The following NCKAP5 variants were observed in gnomAD, a reference collection of about 807,000 sequenced individuals.
The protein encoded by NCKAP5 is NCK associated protein 5, also known as nck-associated protein 5.
A neutral mutation model predicts 167.0 loss-of-function variants in NCKAP5; 92 were observed. The observed-to-expected ratio is 0.55, with a 90% CI of 0.47 to 0.66. The LOEUF (loss-of-function observed/expected upper bound fraction) is 0.66. Ranked by LOEUF, NCKAP5 falls within the 30% of genes least tolerant of loss-of-function variation. The pLI is 0.00. For synonymous variants in NCKAP5, 891 were observed against 877.4 expected, an observed-to-expected ratio of 1.02 and a Z score of -0.27; for missense variants, 2,378 against 2,315.0, an observed-to-expected ratio of 1.03 and a Z score of -0.56.
chr2:133,124,351 T>G (rs943682977), intron 6 of NCKAP5, among the ~76,000 whole-genome samples: 16 of 152,316 alleles, frequency 1.1e-4, no homozygotes, highest in Admixed American at 9.8e-4. Flanking sequence ...TCAAGTATCT[T>G]TATTCCTGAT....
intron 19 of NCKAP5, among the ~76,000 whole-genome samples, chr2:132,708,863 G>A (rs1319392631): frequency 6.6e-6 from 1 of 152,056 alleles, no homozygotes; most frequent in Non-Finnish European, 1.5e-5. Flanking sequence ...TTTTTGGGTT[G>A]TATTTTGGCT....
rs116399948 is a variant in NCKAP5, at chr2:133,032,541, C to T, written c.342-38302G>A. Among the ~76,000 whole-genome samples the T allele has an allele frequency of 3.4e-3, 524 of 152,268 alleles. 4 individuals carry two copies. The highest frequency in any genetic ancestry group is 0.012 in the African/African-American group (480 of 41,562). ...CACCTAGGGGCCTGGGGGACCTCACCACCCTGCAGGGAAAAACACAGGCCT... is the reference window on the plus strand; with the variant it reads ...CACCTAGGGGCCTGGGGGACCTCACTACCCTGCAGGGAAAAACACAGGCCT... On this transcript the variant is annotated intron_variant, in intron 6 of 19. Transcript: ENST00000409261.
chr2:133,450,633 C>T (rs1199835263), intron 3 of NCKAP5, among the ~76,000 whole-genome samples: 3 of 152,144 alleles, frequency 2.0e-5, no homozygotes, highest in African/African-American at 4.8e-5. Context: ...GAAACATTTT[C>T]AATTTAACCA....
chr2:133,209,015 T>C (rs1002873089), intron 5 of NCKAP5, among the ~76,000 whole-genome samples: 1 of 152,040 alleles, frequency 6.6e-6, no homozygotes, highest in Non-Finnish European at 1.5e-5. Context: ...TGGGGAAAAA[T>C]TTCTCTCTGA....
chr2:132,920,711 A>G (rs1234364230), intron 8 of NCKAP5, among the ~76,000 whole-genome samples: 1 of 102,702 alleles, frequency 9.7e-6, no homozygotes, highest in South Asian at 2.9e-4. Context: ...ACGTATATGT[A>G]TATATATGTA....
chr2:132,826,211 G>C (rs1024242307), intron 11 of NCKAP5, among the ~76,000 whole-genome samples: 1 of 152,052 alleles, frequency 6.6e-6, no homozygotes, highest in Non-Finnish European at 1.5e-5. Flanking sequence ...TACATATTTA[G>C]GTACATTAAT....
chr2:133,189,930 C>T (rs539930414), intron 5 of NCKAP5, among the ~76,000 whole-genome samples: 6 of 152,202 alleles, frequency 3.9e-5, no homozygotes, highest in Non-Finnish European at 7.4e-5. Context: ...CCAGGGCAAT[C>T]AGGCAGGAGA....
At chr2:132,823,044 A>G (rs1263262115) in intron 11 of NCKAP5, among the ~76,000 whole-genome samples, 1 of 152,230 alleles carries the variant, frequency 6.6e-6, no homozygotes, top group South Asian at 2.1e-4. Flanking sequence ...AACCTCTAAG[A>G]AATTTGTGAT....
At chr2:133,577,401 G>A in the NCKAP5 span, among the ~76,000 whole-genome samples, 1 of 152,100 alleles carries the variant, frequency 6.6e-6, no homozygotes, top group African/African-American at 2.4e-5. Context: ...TGTAATGTTT[G>A]GGAGCATTAT....
chr2:132,779,772 T>G (rs964742483), intron 15 of NCKAP5, among the ~76,000 whole-genome samples: 1 of 152,182 alleles, frequency 6.6e-6, no homozygotes, highest in African/African-American at 2.4e-5. Flanking sequence ...TAAACATCAA[T>G]AAGTATTTAT....
Position 132,895,288 on chromosome 2 carries a change from G to A in NCKAP5, c.580-16372C>T, listed in dbSNP as rs533884735. 6.1e-5 allele frequency among the ~76,000 whole-genome samples: 9 copies of A among 148,026 alleles called. No homozygotes were observed. The South Asian group carries it at 1.1e-3, about 18-fold the overall frequency. ...GGAGTTTGCGGTGAGCCGAGATCGC[G>A]TCACTGCACTCCAGCCTGGAGACTG... On this transcript the variant is annotated intron_variant, in intron 8 of 19. Transcript: ENST00000409261.
intron 3 of NCKAP5, among the ~76,000 whole-genome samples, chr2:133,309,647 CAGGG>C (rs1681089672): frequency 6.6e-6 from 1 of 152,162 alleles, no homozygotes; most frequent in African/African-American, 2.4e-5. Context: ...GCACATGTTT[CAGGG>C]CAATTAGTAT....
At chr2:133,240,652 C>T (rs1468104611) in intron 4 of NCKAP5, among the ~76,000 whole-genome samples, 1 of 152,170 alleles carries the variant, frequency 6.6e-6, no homozygotes, top group Admixed American at 6.5e-5. Context: ...CCACCACATA[C>T]AAAAAGTGCT....
intron 6 of NCKAP5, among the ~76,000 whole-genome samples, chr2:133,042,960 AG>A (rs578022508): frequency 2.3e-3 from 357 of 152,286 alleles, no homozygotes; most frequent in Non-Finnish European, 4.4e-3. Flanking sequence ...GATAGTTGCA[AG>A]GTTATTTTTT....
intron 3 of NCKAP5, among the ~76,000 whole-genome samples, chr2:133,416,752 T>C (rs1689135121): frequency 6.6e-6 from 1 of 152,234 alleles, no homozygotes; most frequent in Non-Finnish European, 1.5e-5. Context: ...TCAAAGCATT[T>C]CTACTCAGCT....
chr2:132,781,350 G>T, intron 14 of NCKAP5, 121 bp from the exon 15 acceptor site: 1 of 905,340 alleles, frequency 1.1e-6, no homozygotes, highest in Non-Finnish European at 1.6e-6. Flanking sequence ...TTAAACCTTT[G>T]ACGGATAAGG....
intron 3 of NCKAP5, among the ~76,000 whole-genome samples, chr2:133,389,171 T>G (rs1687221487): frequency 6.6e-6 from 1 of 152,242 alleles, no homozygotes; most frequent in African/African-American, 2.4e-5. Flanking sequence ...TTCGGCCATC[T>G]TGGAACTGCC....
chr2:132,771,611 C>T (rs1432594420), intron 16 of NCKAP5, among the ~76,000 whole-genome samples: 1 of 151,946 alleles, frequency 6.6e-6, no homozygotes, highest in Non-Finnish European at 1.5e-5. Flanking sequence ...ACTAACCCAC[C>T]CAGAGCAACC....
chr2:133,319,148 T>TCC lies in NCKAP5; in HGVS notation c.70-16040_70-16039dup, dbSNP rs373462959. On this transcript the variant is annotated intron_variant, in intron 3 of 19. Transcript: ENST00000409261. ...TCATTCCAGGTGTGTGAGCCACCCC[T>TCC]CCCCCCCCGCCCCCTTCCACCCCCT... Among the ~76,000 whole-genome samples, 714 of 84,626 alleles carry TCC rather than the reference T, an allele frequency of 8.4e-3. 9 individuals carry two copies. Among genetic ancestry groups the TCC allele is most frequent in the African/African-American group, 0.025 (665 of 26,732 alleles). 55.5% of individuals were successfully genotyped at this position (84,626 alleles called of 152,430 possible). A position where few individuals can be genotyped will look rare whatever the true frequency, so the allele number is the denominator to read the frequency against.
Sources: allele counts gnomAD v4.1 joint callset (sites outside exome capture counted in the v4.1 genomes callset), GRCh38; gene constraint gnomAD v4.1.1; transcripts MANE v1.5; gene names NCBI Gene and HGNC (gene_info 2026-07-23, HGNC 2026-07-21).